Variants in GAS7 observed in about 807,000 individuals in gnomAD.
GAS7 encodes growth arrest-specific protein 7.
Under a neutral mutation model 71.1 loss-of-function variants are expected in GAS7, and 28 were observed. That is an observed-to-expected ratio of 0.39 (90% CI 0.29 to 0.54). The LOEUF (loss-of-function observed/expected upper bound fraction) is 0.54. Among genes scored for constraint, GAS7 ranks in the 20% least tolerant of loss-of-function variants. The pLI, the probability that GAS7 is intolerant of heterozygous loss-of-function variation, is 0.62. For missense variants in GAS7, 436 were observed against 627.8 expected, an observed-to-expected ratio of 0.69 and a Z score of 3.27; for synonymous variants, 258 against 245.8, an observed-to-expected ratio of 1.05 and a Z score of -0.46.
At position 10,092,664 on chromosome 17, in the gene GAS7, A is replaced by G. The variant is rs972499092; in HGVS notation, c.184-72767T>C. Among the ~76,000 whole-genome samples the G allele has an allele frequency of 5.3e-5, 8 of 152,314 alleles. No individual in the cohort carries two copies. The East Asian group carries it at 1.5e-3, about 29-fold the overall frequency. ...CTTCAACCCACATGTTTTCTCTTAC[A>G]ATATTCTGAGGTCAGAAGTCCAAAA... On this transcript the variant is annotated intron_variant, in intron 1 of 13. Transcript: ENST00000432992.
intron 2 of GAS7, among the ~76,000 whole-genome samples, chr17:9,983,297 C>T (rs942311213): frequency 3.9e-5 from 6 of 152,074 alleles, no homozygotes; most frequent in African/African-American, 1.2e-4. Context: ...TTGAGACCAG[C>T]CTGGGCAAGA....
chr17:10,078,559 A>T (rs2073421764), intron 1 of GAS7, among the ~76,000 whole-genome samples: 1 of 152,256 alleles, frequency 6.6e-6, no homozygotes, highest in East Asian at 1.9e-4. Flanking sequence ...TTACACTGGC[A>T]TAATAATATA....
At chr17:10,197,593 C>A (rs990388013) in intron 1 of GAS7, among the ~76,000 whole-genome samples, 4 of 152,228 alleles carry the variant, frequency 2.6e-5, no homozygotes, top group African/African-American at 9.6e-5. Context: ...TGAGCCTTAG[C>A]CTCGGGGAGC....
intron 1 of GAS7, among the ~76,000 whole-genome samples, chr17:10,089,689 A>G (rs2073560015): frequency 6.8e-6 from 1 of 147,962 alleles, no homozygotes; most frequent in Admixed American, 6.7e-5. Flanking sequence ...TAAAAATAAG[A>G]GAACCATCAC....
intron 1 of GAS7, among the ~76,000 whole-genome samples, chr17:10,027,365 G>A (rs1391357992): frequency 2.0e-5 from 3 of 152,218 alleles, no homozygotes; most frequent in Admixed American, 2.0e-4. Context: ...GTTAGAGAAA[G>A]TGTGTGTGCC....
At chr17:9,942,605 C>G (rs2068643813) in intron 7 of GAS7, among the ~76,000 whole-genome samples, 1 of 152,166 alleles carries the variant, frequency 6.6e-6, no homozygotes, top group Non-Finnish European at 1.5e-5. Context: ...TGCCCTGGGA[C>G]ACAGGTTTTG....
intron 1 of GAS7, among the ~76,000 whole-genome samples, chr17:10,182,620 G>A (rs1010867097): frequency 3.3e-5 from 5 of 152,200 alleles, no homozygotes; most frequent in African/African-American, 1.2e-4. Context: ...AAAATGGACA[G>A]CCACTCCTGT....
chr17:9,991,987 G>A (rs886121774), intron 2 of GAS7, among the ~76,000 whole-genome samples: 2 of 152,194 alleles, frequency 1.3e-5, no homozygotes, highest in African/African-American at 4.8e-5. Flanking sequence ...CAGAACTACT[G>A]GAGCCACTTG....
intron 1 of GAS7, among the ~76,000 whole-genome samples, chr17:10,107,898 C>T (rs746073779): frequency 1.3e-5 from 2 of 151,766 alleles, no homozygotes; most frequent in Non-Finnish European, 2.9e-5. Context: ...AACTGCCTTA[C>T]ACAGTCCAGT....
intron 1 of GAS7, among the ~76,000 whole-genome samples, chr17:10,091,353 C>T (rs1052236227): frequency 5.3e-5 from 8 of 152,054 alleles, no homozygotes; most frequent in African/African-American, 1.7e-4. Context: ...TACCAAATGC[C>T]ACCGAACTGT....
At chr17:9,985,120 C>T (rs999758557) in intron 2 of GAS7, among the ~76,000 whole-genome samples, 1 of 152,182 alleles carries the variant, frequency 6.6e-6, no homozygotes, top group African/African-American at 2.4e-5. Flanking sequence ...GTTCCCAGGG[C>T]CTGGAGATGC....
chr17:10,117,696 T>C (rs76373363), intron 1 of GAS7, among the ~76,000 whole-genome samples: 1,764 of 152,256 alleles, frequency 0.012, 33 homozygotes, highest in African/African-American at 0.04. Context: ...AAGCACGATG[T>C]GTTCAGACCC....
At chr17:9,934,498 T>G (rs1335668434) in intron 8 of GAS7, among the ~76,000 whole-genome samples, 3 of 147,790 alleles carry the variant, frequency 2.0e-5, no homozygotes, top group African/African-American at 5.0e-5. Flanking sequence ...AGCCAAGAGG[T>G]GGGGGGGGTG....
chr17:9,920,388 G>A (rs543648316), intron 11 of GAS7, among the ~76,000 whole-genome samples: 5 of 152,298 alleles, frequency 3.3e-5, no homozygotes, highest in Middle Eastern at 3.4e-3. Flanking sequence ...AGAAAGATCC[G>A]AGGCAAACAT....
chr17:10,105,853 A>T (rs1270903186), intron 1 of GAS7, among the ~76,000 whole-genome samples: 2 of 151,942 alleles, frequency 1.3e-5, no homozygotes, highest in Non-Finnish European at 2.9e-5. Context: ...AGTCTTACTC[A>T]CCACTGCATT....
chr17:9,976,034 G>A (rs1401458271), intron 3 of GAS7, among the ~76,000 whole-genome samples: 1 of 152,180 alleles, frequency 6.6e-6, no homozygotes, highest in East Asian at 1.9e-4. Context: ...CTTCTCAGGA[G>A]GATCCACTGT....
chr17:10,076,252 G>A (rs1447824078), intron 1 of GAS7, among the ~76,000 whole-genome samples: 2 of 76,332 alleles, frequency 2.6e-5, no homozygotes, highest in Non-Finnish European at 2.7e-5. Context: ...AGGGACAGGG[G>A]GACGGGGAAG....
In GAS7 at chr17:10,026,395, G is replaced by A; in HGVS notation, c.184-6498C>T. 1.7e-6 allele frequency: 1 copy of A among 586,424 alleles called. No homozygotes were observed. Among genetic ancestry groups the A allele is most frequent in the African/African-American group, 2.0e-5 (1 of 49,922 alleles). The allele number at this position is 586,424 out of a possible 1,614,324, so 36.3% of individuals were successfully genotyped here. On this transcript the variant is annotated intron_variant, in intron 1 of 13. Coordinates refer to ENST00000432992, the MANE Select transcript of GAS7 (RefSeq NM_201433.2). The surrounding 1 kb of genome is among the most constrained non-coding windows in gnomAD (Gnocchi z 4.5). ...TGTCAGCCTAACGAGCCACTTTCTGGCAGACCCGTTGCTATGGCAATGCTT... is the reference window on the plus strand; with the variant it reads ...TGTCAGCCTAACGAGCCACTTTCTGACAGACCCGTTGCTATGGCAATGCTT...
intron 1 of GAS7, among the ~76,000 whole-genome samples, chr17:10,163,114 T>A (rs1298322463): frequency 2.0e-5 from 3 of 151,722 alleles, no homozygotes; most frequent in African/African-American, 2.4e-5. Flanking sequence ...GAAAAAAAAA[T>A]TATTTTTCTT....
Sources: gnomAD v4.1 joint callset for allele counts (sites outside exome capture counted in the v4.1 genomes callset) on GRCh38, gnomAD v4.1.1 for gene constraint, Gnocchi (gnomAD v3.1) non-coding constraint, MANE v1.5 for transcripts, NCBI Gene and HGNC (gene_info 2026-07-23, HGNC 2026-07-21) for gene names.